RALGAPB: variants seen among roughly 807,000 people sequenced by gnomAD.
The protein encoded by RALGAPB is Ral GTPase activating protein non-catalytic subunit beta, also known as ral GTPase-activating protein subunit beta.
A neutral mutation model predicts 161.1 loss-of-function variants in RALGAPB; 25 were observed. The observed-to-expected ratio is 0.16, with a 90% CI of 0.11 to 0.22. RALGAPB has a LOEUF of 0.22. Among genes scored for constraint, RALGAPB ranks in the 10% least tolerant of loss-of-function variants. RALGAPB has a pLI of 1.00. For missense variants in RALGAPB, 1,391 were observed against 1,815.2 expected, an observed-to-expected ratio of 0.77 and a Z score of 4.25; for synonymous variants, 629 against 626.1, an observed-to-expected ratio of 1.00 and a Z score of -0.07.
intron 28 of RALGAPB, chr20:38,573,700 TCTC>T (rs950668989): frequency 2.0e-5 from 3 of 152,242 alleles, no homozygotes; most frequent in Admixed American, 1.3e-4. Context: ...TGTTCCTGCT[TCTC>T]CTCTGGGATT....
chr20:38,571,641 A>G (rs1455108755), intron 28 of RALGAPB, among the ~76,000 whole-genome samples: 4 of 152,168 alleles, frequency 2.6e-5, no homozygotes, highest in Admixed American at 2.0e-4. Flanking sequence ...TATCTTAGCT[A>G]TTGTGAAGAA....
chr20:38,551,355 G>GGTTGCCA (rs544636009), intron 21 of RALGAPB, 132 bp downstream of exon 21: 14 of 1,057,450 alleles, frequency 1.3e-5, no homozygotes, highest in Non-Finnish European at 1.5e-5. Context: ...TCATCCAGGA[G>GGTTGCCA]GTTGCCATGT....
rs1325943394 is a variant in RALGAPB at position 38,517,877 on chromosome 20, C to T, written c.1294C>T (p.Leu432=). The T allele has an allele frequency of 2.5e-6, 4 of 1,613,856 alleles. No homozygotes were observed. In the South Asian group the frequency reaches 3.3e-5, roughly 13 times the overall value. ...PNQTSSEPRP[L]PAPRRPKVNS... is the part of the protein sequence containing the mutation. ...TCAGACTAGTTCAGAACCCCGGCCA[C>T]TGCCTGCCCCTCGGAGACCAAAGGT... The change falls in exon 9 of 30, where the codon CTG becomes TTG. Residue 432 remains leucine (L), a synonymous_variant. Transcript: ENST00000262879.
At chr20:38,557,298 T>C (rs1236985293) in intron 22 of RALGAPB, among the ~76,000 whole-genome samples, 1 of 152,324 alleles carries the variant, frequency 6.6e-6, no homozygotes, top group Middle Eastern at 3.4e-3. Context: ...CAGTTTCCCC[T>C]GTTATCAACA....
At chr20:38,473,304 C>A (rs1382542492) in intron 1 of RALGAPB, among the ~76,000 whole-genome samples, 1 of 152,134 alleles carries the variant, frequency 6.6e-6, no homozygotes, top group Non-Finnish European at 1.5e-5. Flanking sequence ...TCCTTGGGAG[C>A]TACCCCGGCC....
chr20:38,550,115 G>A lies in RALGAPB; in HGVS notation c.3010-956G>A, dbSNP rs1383607973. Reference sequence around the variant, plus strand: ...ACAGTGGGAACACATGGACACAGGAGGGGGAACATCACACTCTGGGGCCTG... The same window carrying A: ...ACAGTGGGAACACATGGACACAGGAAGGGGAACATCACACTCTGGGGCCTG... On this transcript the variant is annotated intron_variant, in intron 20 of 29. Coordinates refer to ENST00000262879, the MANE Select transcript of RALGAPB (RefSeq NM_020336.4). 3.3e-5 allele frequency among the ~76,000 whole-genome samples: 5 copies of A among 152,172 alleles called. 1 individual carries two copies. The South Asian group carries it at 1.0e-3, about 32-fold the overall frequency.
chr20:38,515,851 A>C (rs565792752), intron 6 of RALGAPB, among the ~76,000 whole-genome samples: 21 of 152,220 alleles, frequency 1.4e-4, no homozygotes, highest in African/African-American at 5.1e-4. Flanking sequence ...GATCTGCCTC[A>C]GCCTTCCAAG....
At chr20:38,490,886 C>T (rs1231863847) in intron 2 of RALGAPB, among the ~76,000 whole-genome samples, 1 of 152,232 alleles carries the variant, frequency 6.6e-6, no homozygotes, top group Admixed American at 6.5e-5. Flanking sequence ...CTCAGATGAT[C>T]CACAGTCCTT....
At chr20:38,531,456 T>C (rs1248402341) in intron 14 of RALGAPB, among the ~76,000 whole-genome samples, 1 of 152,222 alleles carries the variant, frequency 6.6e-6, no homozygotes, top group Non-Finnish European at 1.5e-5. Context: ...TGAGAGAAAC[T>C]ACAGCTAAAT....
Position 38,562,781 on chromosome 20 carries a change from G to A in RALGAPB, c.3697+84G>A. The A allele has an allele frequency of 6.3e-6, 9 of 1,424,038 alleles. 1 individual carries two copies. The highest frequency in any genetic ancestry group is 8.5e-6 in the Non-Finnish European group (9 of 1,062,136). The allele number at this position is 1,424,038 out of a possible 1,614,324, so 88.2% of individuals were successfully genotyped here. On this transcript the variant is annotated intron_variant, in intron 24 of 29. Transcript: ENST00000262879. Reference sequence around the variant, plus strand: ...TTTTCCCCCTTTACTGTGATTTATAGTCTTGTTAAAAATACAAAACCAGGC... The same window carrying A: ...TTTTCCCCCTTTACTGTGATTTATAATCTTGTTAAAAATACAAAACCAGGC...
chr20:38,555,656 G>T (rs1224955916), intron 22 of RALGAPB, among the ~76,000 whole-genome samples: 2 of 152,138 alleles, frequency 1.3e-5, no homozygotes, highest in Admixed American at 1.3e-4. Flanking sequence ...TAATAGCCTT[G>T]TTTCTGAGAT....
rs780833422 is a variant in RALGAPB, at chr20:38,472,862, A to C, written c.-238A>C. 2.5e-6 allele frequency: 1 copy of C among 398,900 alleles called. No homozygotes were observed. The highest frequency in any genetic ancestry group is 1.3e-4 in the South Asian group (1 of 7,868). The allele number at this position is 398,900 out of a possible 1,614,324, so 24.7% of individuals were successfully genotyped here. On this transcript the variant is annotated 5_prime_UTR_variant, in exon 1 of 30. Coordinates refer to ENST00000262879, the MANE Select transcript of RALGAPB (RefSeq NM_020336.4). ...CCTGGCAGTCGGAAGTTGCCTGAGCAGATCCCAGCCGGCTGGCTCGAGTGG... is the reference window on the plus strand; with the variant it reads ...CCTGGCAGTCGGAAGTTGCCTGAGCCGATCCCAGCCGGCTGGCTCGAGTGG...
chr20:38,511,925 A>C (rs2085971297), intron 6 of RALGAPB, among the ~76,000 whole-genome samples: 1 of 151,798 alleles, frequency 6.6e-6, no homozygotes, highest in African/African-American at 2.4e-5. Flanking sequence ...GGCGCCCCCC[A>C]CCTCCCAGAC....
intron 5 of RALGAPB, among the ~76,000 whole-genome samples, chr20:38,507,744 G>A (rs1358796937): frequency 6.6e-6 from 1 of 151,734 alleles, no homozygotes; most frequent in Admixed American, 6.6e-5. Context: ...GTTGCCCAGG[G>A]TGGAGTGCAG....
At chr20:38,533,726 ATAT>A (rs2086722928) in intron 15 of RALGAPB, among the ~76,000 whole-genome samples, 1 of 152,208 alleles carries the variant, frequency 6.6e-6, no homozygotes, top group Non-Finnish European at 1.5e-5. Flanking sequence ...ACACATTTAA[ATAT>A]TATATTCGTG....
intron 28 of RALGAPB, among the ~76,000 whole-genome samples, chr20:38,571,999 A>G (rs1231506934): frequency 6.6e-6 from 1 of 152,124 alleles, no homozygotes; most frequent in Non-Finnish European, 1.5e-5. Context: ...AGTATAATTA[A>G]TTGCTATTTT....
At chr20:38,519,974 G>A (rs764761070) in intron 9 of RALGAPB, among the ~76,000 whole-genome samples, 2 of 152,232 alleles carry the variant, frequency 1.3e-5, no homozygotes, top group Non-Finnish European at 1.5e-5. Flanking sequence ...TTTAATGCAC[G>A]TTATGGGCAC....
In RALGAPB at chr20:38,575,210, C is replaced by A. The variant is rs934111540; in HGVS notation, c.*243C>A. The A allele has an allele frequency of 9.7e-6, 4 of 412,120 alleles. No individual in the cohort carries two copies. Among genetic ancestry groups the A allele is most frequent in the Non-Finnish European group, 1.7e-5 (4 of 231,552 alleles). 25.5% of individuals were successfully genotyped at this position (412,120 alleles called of 1,614,324 possible). A position where few individuals can be genotyped will look rare whatever the true frequency, so the allele number is the denominator to read the frequency against. ...TGATGATATACATTTTAGCCATAAACTTTCTTTTAAAAGTGACAATTTTAG... is the reference window on the plus strand; with the variant it reads ...TGATGATATACATTTTAGCCATAAAATTTCTTTTAAAAGTGACAATTTTAG... On this transcript the variant is annotated 3_prime_UTR_variant, in exon 30 of 30. Transcript: ENST00000262879.
At chr20:38,485,964 A>G (rs1158394904) in intron 1 of RALGAPB, among the ~76,000 whole-genome samples, 2 of 74,190 alleles carry the variant, frequency 2.7e-5, no homozygotes, top group East Asian at 4.4e-4. Flanking sequence ...TCCTTTCTAT[A>G]TCTTTTTTTT....
Sources: gnomAD v4.1 joint callset for allele counts (sites outside exome capture counted in the v4.1 genomes callset) on GRCh38, gnomAD v4.1.1 for gene constraint, MANE v1.5 for transcripts, NCBI Gene and HGNC (gene_info 2026-07-23, HGNC 2026-07-21) for gene names.